The following DOCK3 variants were observed in gnomAD, a reference collection of about 807,000 sequenced individuals.
The protein encoded by DOCK3 is dedicator of cytokinesis 3, also known as dedicator of cytokinesis protein 3.
A neutral mutation model predicts 265.6 loss-of-function variants in DOCK3; 60 were observed. The observed-to-expected ratio is 0.23, with a 90% CI of 0.18 to 0.28. The LOEUF (loss-of-function observed/expected upper bound fraction) is 0.28. DOCK3 is among the 10% of genes least tolerant of loss of function. The pLI, the probability that DOCK3 is intolerant of heterozygous loss-of-function variation, is 1.00. For synonymous variants in DOCK3, 881 were observed against 938.0 expected (o/e 0.94, Z 1.11); for missense variants, 1,981 against 2,594.3 (o/e 0.76, Z 5.14).
At chr3:50,787,483 C>T (rs1469972848) in intron 2 of DOCK3, 18 of 466,858 alleles carry the variant, frequency 3.9e-5, no homozygotes, top group South Asian at 2.5e-4. Context: ...TGTGGTGAGC[C>T]GAGATCGCGC....
At chr3:51,306,132 C>A (rs1356483713) in intron 27 of DOCK3, among the ~76,000 whole-genome samples, 1 of 151,682 alleles carries the variant, frequency 6.6e-6, no homozygotes, top group African/African-American at 2.4e-5. Context: ...TCTCAAAGTG[C>A]TAGGATTACA....
intron 13 of DOCK3, among the ~76,000 whole-genome samples, chr3:51,210,466 C>T (rs2089442476): frequency 6.6e-6 from 1 of 152,156 alleles, no homozygotes; most frequent in African/African-American, 2.4e-5. Flanking sequence ...TAGTTGAGAC[C>T]TTGGAAAACC....
intron 10 of DOCK3, among the ~76,000 whole-genome samples, chr3:51,148,823 T>C (rs1046001526): frequency 2.8e-4 from 42 of 152,124 alleles, no homozygotes; most frequent in African/African-American, 8.4e-4. Context: ...CTTGGCAATG[T>C]GGGCTCTTTT....
chr3:50,797,672 C>G (rs998651071), intron 2 of DOCK3, among the ~76,000 whole-genome samples: 3 of 152,200 alleles, frequency 2.0e-5, no homozygotes, highest in Admixed American at 1.3e-4. Context: ...TCTCTGCATC[C>G]TTGCCAGCAT....
intron 3 of DOCK3, among the ~76,000 whole-genome samples, chr3:50,878,940 C>G (rs963783631): frequency 6.6e-6 from 1 of 152,162 alleles, no homozygotes; most frequent in African/African-American, 2.4e-5. Context: ...TCGGCAGAAA[C>G]TCTACAAGCC....
intron 5 of DOCK3, among the ~76,000 whole-genome samples, chr3:51,015,507 A>G (rs1041322245): frequency 4.6e-5 from 7 of 151,114 alleles, no homozygotes; most frequent in Non-Finnish European, 7.4e-5. Flanking sequence ...GGTCTTTTTA[A>G]TGTGTTGTTA....
chr3:51,005,436 T>C (rs2078643421), intron 5 of DOCK3, among the ~76,000 whole-genome samples: 1 of 152,316 alleles, frequency 6.6e-6, no homozygotes, highest in Non-Finnish European at 1.5e-5. Flanking sequence ...TATTGCTTCC[T>C]TGAACTTCCT....
At chr3:51,362,125 C>T (rs1346363792) in intron 48 of DOCK3, 128 bp downstream of exon 48, 12 of 1,214,508 alleles carry the variant, frequency 9.9e-6, no homozygotes, top group African/African-American at 1.5e-5. Context: ...CAGAACACCC[C>T]TCACCAGAGC....
intron 14 of DOCK3, among the ~76,000 whole-genome samples, chr3:51,220,937 T>C (rs940995347): frequency 6.6e-6 from 1 of 151,908 alleles, no homozygotes; most frequent in Non-Finnish European, 1.5e-5. Flanking sequence ...CTGGAGTATC[T>C]GGCAAGAGAT....
At chr3:50,711,346 T>C (rs2036755048) in intron 1 of DOCK3, among the ~76,000 whole-genome samples, 1 of 151,624 alleles carries the variant, frequency 6.6e-6, no homozygotes, top group South Asian at 2.1e-4. Flanking sequence ...ACTGCAAGCT[T>C]TGCCTCCTGG....
chr3:51,021,896 TG>T (rs1010483462), intron 5 of DOCK3, among the ~76,000 whole-genome samples: 4 of 152,054 alleles, frequency 2.6e-5, no homozygotes, highest in Admixed American at 2.6e-4. Flanking sequence ...CTCCTGACCT[TG>T]TGATCTGCCT....
intron 10 of DOCK3, among the ~76,000 whole-genome samples, chr3:51,148,559 A>G (rs1339272074): frequency 1.3e-5 from 2 of 152,212 alleles, no homozygotes; most frequent in African/African-American, 4.8e-5. Flanking sequence ...TTTTCTACAT[A>G]TGGCTAGCCA....
At chr3:51,006,536 G>A (rs887759339) in intron 5 of DOCK3, among the ~76,000 whole-genome samples, 5 of 152,034 alleles carry the variant, frequency 3.3e-5, no homozygotes, top group Non-Finnish European at 5.9e-5. Flanking sequence ...TTCACTCCTT[G>A]AAAAGATTGA....
chr3:50,686,786 A>C (rs1419306731), intron 1 of DOCK3, among the ~76,000 whole-genome samples: 1 of 149,376 alleles, frequency 6.7e-6, no homozygotes, highest in Admixed American at 6.7e-5. Flanking sequence ...GCACGCACCT[A>C]TAATCCCAGC....
At chr3:51,339,687 C>G (rs766413245) in intron 37 of DOCK3, among the ~76,000 whole-genome samples, 17 of 152,202 alleles carry the variant, frequency 1.1e-4, no homozygotes, top group Non-Finnish European at 1.9e-4. Context: ...CTGAGAACCA[C>G]GCTGAATCGG....
In DOCK3 at chr3:51,381,388, G is replaced by T. The variant is rs782340895; in HGVS notation, c.5922G>T (p.Pro1974=). The change falls in exon 53 of 53, where the codon CCG becomes CCT. Residue 1974 remains proline, a synonymous_variant. Coordinates refer to ENST00000266037, the MANE Select transcript of DOCK3 (RefSeq NM_004947.5). The surrounding 1 kb of genome is among the most constrained non-coding windows in gnomAD (Gnocchi z 5.6). ...ACCCCATGGACCCGCCTGCGCTGCC[G>T]CCCAAGCCCTACCACCCCCGCCTGC... is the stretch of plus-strand genomic sequence containing the variant. ...PQDPMDPPAL[P]PKPYHPRLPA... is the part of the protein sequence containing the mutation. 1.2e-6 allele frequency: 2 copies of T among 1,612,396 alleles called. No individual in the cohort carries two copies. The highest frequency in any genetic ancestry group is 2.7e-5 in the African/African-American group (2 of 74,902).
intron 2 of DOCK3, among the ~76,000 whole-genome samples, chr3:50,826,226 C>T (rs1162267512): frequency 6.6e-6 from 1 of 151,574 alleles, no homozygotes; most frequent in African/African-American, 2.4e-5. Context: ...GTGGCAGCTG[C>T]GTTCTGTAGT....
intron 3 of DOCK3, among the ~76,000 whole-genome samples, chr3:50,857,335 T>C (rs947195456): frequency 5.3e-5 from 8 of 152,220 alleles, no homozygotes; most frequent in African/African-American, 1.9e-4. Context: ...TTTTTATTAC[T>C]GATTCAATTT....
chr3:51,069,761 A>G lies in DOCK3; in HGVS notation c.464+5165A>G, dbSNP rs2081772170. Reference sequence around the variant, plus strand: ...CTCATCAAGGGAATTGATTTGGAGTAAGATACACAAGCAGTAGTTTAGTTT... The same window carrying G: ...CTCATCAAGGGAATTGATTTGGAGTGAGATACACAAGCAGTAGTTTAGTTT... On this transcript the variant is annotated intron_variant, in intron 6 of 52. Transcript: ENST00000266037. 3.3e-5 allele frequency among the ~76,000 whole-genome samples: 5 copies of G among 152,280 alleles called. No individual in the cohort carries two copies. The South Asian group carries it at 1.0e-3, about 32-fold the overall frequency.
Sources: allele counts gnomAD v4.1 joint callset (sites outside exome capture counted in the v4.1 genomes callset), GRCh38; gene constraint gnomAD v4.1.1; non-coding constraint Gnocchi (gnomAD v3.1); transcripts MANE v1.5; gene names NCBI Gene and HGNC (gene_info 2026-07-23, HGNC 2026-07-21).